ACACA: variants seen among roughly 807,000 people sequenced by gnomAD.
ACACA encodes the protein acetyl-CoA carboxylase 1.
ACACA carries 103 observed loss-of-function variants against 296.1 expected under a neutral mutation model. That is an observed-to-expected ratio of 0.35 (90% CI 0.30 to 0.41). The LOEUF is 0.41. Among genes scored for constraint, ACACA ranks in the 10% least tolerant of loss-of-function variants. ACACA has a pLI of 1.00. For synonymous variants in ACACA, 953 were observed against 1,038.6 expected, an observed-to-expected ratio of 0.92 and a Z score of 1.58; for missense variants, 1,554 against 2,989.7, an observed-to-expected ratio of 0.52 and a Z score of 11.20.
intron 1 of ACACA, among the ~76,000 whole-genome samples, chr17:37,370,667 G>GTAAA (rs372775724): frequency 0.015 from 2,227 of 148,822 alleles, 51 homozygotes; most frequent in African/African-American, 0.047. Flanking sequence ...CAAAAATAAT[G>GTAAA]TAAATAAATA....
chr17:37,193,368 C>T lies in ACACA; in HGVS notation c.4200+6G>A, dbSNP rs1472559464. 5 of 1,592,050 alleles carry T rather than the reference C, an allele frequency of 3.1e-6. No individual in the cohort carries two copies. Among genetic ancestry groups the T allele is most frequent in the Non-Finnish European group, 3.4e-6 (4 of 1,160,648 alleles). ...TTTTTTAAATAGGAAAGAAATCAAT[C>T]CTTACCTTATCCCTTGCTCGGAATG... On this transcript the variant is annotated splice_donor_region_variant and intron_variant, in intron 36 of 55. Coordinates refer to ENST00000616317, the MANE Select transcript of ACACA (RefSeq NM_198834.3).
rs2072202298 is a variant in ACACA at position 37,086,396 on chromosome 17, C to T, written c.*920G>A. ...CAAAACAAACAGACTATCTATCTAT[C>T]TCACTGGCTCTCCACATGGCATAAA... On this transcript the variant is annotated 3_prime_UTR_variant, in exon 56 of 56. Coordinates refer to ENST00000616317, the MANE Select transcript of ACACA (RefSeq NM_198834.3). The T allele has an allele frequency of 6.6e-6, 1 of 152,320 alleles. No individual in the cohort carries two copies. Among genetic ancestry groups the T allele is most frequent in the Non-Finnish European group, 1.5e-5 (1 of 68,104 alleles). 9.4% of individuals were successfully genotyped at this position (152,320 alleles called of 1,614,324 possible). A position where few individuals can be genotyped will look rare whatever the true frequency, so the allele number is the denominator to read the frequency against.
At chr17:37,302,492 G>C (rs1212919082) in intron 3 of ACACA, among the ~76,000 whole-genome samples, 1 of 151,910 alleles carries the variant, frequency 6.6e-6, no homozygotes, top group Admixed American at 6.6e-5. Flanking sequence ...TTACAGGCGT[G>C]AGCCACCACA....
At chr17:37,344,473 G>A (rs2946344) in intron 1 of ACACA, among the ~76,000 whole-genome samples, 31,168 of 151,976 alleles carry the variant, frequency 0.21, 3,469 homozygotes, top group Admixed American at 0.34. Context: ...CAGGAGAATC[G>A]CTTGAACCCA....
chr17:37,203,406 G>C (rs1379624273), intron 33 of ACACA, among the ~76,000 whole-genome samples: 3 of 151,968 alleles, frequency 2.0e-5, no homozygotes, highest in African/African-American at 7.3e-5. Flanking sequence ...AACTTTCACA[G>C]ATTATTTCAT....
chr17:37,370,694 A>T (rs2049772114), intron 1 of ACACA, among the ~76,000 whole-genome samples: 1 of 151,398 alleles, frequency 6.6e-6, no homozygotes, highest in South Asian at 2.1e-4. Context: ...TAAATAAATA[A>T]AAATTAGGCC....
At chr17:37,361,245 G>T (rs956092821) in intron 1 of ACACA, among the ~76,000 whole-genome samples, 5 of 151,940 alleles carry the variant, frequency 3.3e-5, no homozygotes, top group African/African-American at 1.2e-4. Context: ...CACCATGTTG[G>T]CCAGGATGGT....
intron 1 of ACACA, among the ~76,000 whole-genome samples, chr17:37,342,867 GA>G (rs1157700803): frequency 6.6e-6 from 1 of 151,930 alleles, no homozygotes; most frequent in Non-Finnish European, 1.5e-5. Flanking sequence ...CTTGAGCCCA[GA>G]AGGTTGAGGC....
chr17:37,169,068 C>CACTGAGA, intron 41 of ACACA, among the ~76,000 whole-genome samples: 1 of 152,168 alleles, frequency 6.6e-6, no homozygotes, highest in Admixed American at 6.5e-5. Context: ...CACTGATAGG[C>CACTGAGA]AGGGAAGGTA....
chr17:37,173,081 T>C lies in ACACA; in HGVS notation c.5079+6179A>G, dbSNP rs536413708. Among the ~76,000 whole-genome samples the C allele has an allele frequency of 2.6e-4, 39 of 152,304 alleles. 2 individuals carry two copies. In the South Asian group the frequency reaches 7.7e-3, roughly 30 times the overall value. On this transcript the variant is annotated intron_variant, in intron 41 of 55. Coordinates refer to ENST00000616317, the MANE Select transcript of ACACA (RefSeq NM_198834.3). ...TACATCCAAATTAGCATCACATTCA[T>C]GGAGCTATTTTGAGGTTAAATTGAG...
rs2072120604 is a variant in ACACA at position 37,085,201 on chromosome 17, T to C, written c.*2115A>G. ...CCTCCTGCCTTAGTAGCCTTGCATG[T>C]TTGAGGGGCTGTGGGAATGTCAGAT... On this transcript the variant is annotated 3_prime_UTR_variant, in exon 56 of 56. Coordinates refer to ENST00000616317, the MANE Select transcript of ACACA (RefSeq NM_198834.3). The C allele has an allele frequency of 6.2e-6, 1 of 162,060 alleles. No individual in the cohort carries two copies. The allele number at this position is 162,060 out of a possible 1,614,324, so 10.0% of individuals were successfully genotyped here. A position where few individuals can be genotyped will look rare whatever the true frequency, so the allele number is the denominator to read the frequency against.
chr17:37,288,424 A>G (rs1185335488), intron 3 of ACACA, among the ~76,000 whole-genome samples: 1 of 152,062 alleles, frequency 6.6e-6, no homozygotes, highest in Non-Finnish European at 1.5e-5. Context: ...ATACCATATG[A>G]CTCCATTTAT....
chr17:37,219,395 G>T (rs1395352236), intron 29 of ACACA, among the ~76,000 whole-genome samples: 1 of 152,122 alleles, frequency 6.6e-6, no homozygotes, highest in Non-Finnish European at 1.5e-5. Flanking sequence ...TCTGTGAGTT[G>T]TTCTGAGGGA....
intron 41 of ACACA, among the ~76,000 whole-genome samples, chr17:37,164,613 T>C (rs2076591852): frequency 6.6e-6 from 1 of 152,186 alleles, no homozygotes; most frequent in Admixed American, 6.5e-5. Context: ...AACACTCAAA[T>C]ATCAGGATAA....
Position 37,192,090 on chromosome 17 carries a change from C to G in ACACA, c.4416G>C (p.Lys1472Asn). ...AIIRHSDLVT[K>N]EASFEYLQNE... Reference sequence around the variant, plus strand: ...CATCCCATTAAAGTACAGCACCCACCTTGGTGACCAGATCAGAATGCCTGA... The same window carrying G: ...CATCCCATTAAAGTACAGCACCCACGTTGGTGACCAGATCAGAATGCCTGA... The change falls in exon 37 of 56, where the codon AAG (lysine) becomes AAC (asparagine). Residue 1472 changes from lysine to asparagine, a missense_variant and splice_region_variant. By Grantham distance (94) the Lys-to-Asn change is moderately conservative. Transcript: ENST00000616317. 1 of 1,614,022 alleles carries G rather than the reference C, an allele frequency of 6.2e-7. No individual in the cohort carries two copies.
Position 37,256,947 on chromosome 17 carries a change from A to C in ACACA, c.1826+756T>G, listed in dbSNP as rs190577958. On this transcript the variant is annotated intron_variant, in intron 14 of 55. Coordinates refer to ENST00000616317, the MANE Select transcript of ACACA (RefSeq NM_198834.3). The stretch of plus-strand genomic sequence containing the variant: ...GTTTGATACAAGGCAATAAACCATT[A>C]AAAAACAGAAAAGAACTAGTTCAAG... 1.7e-3 allele frequency among the ~76,000 whole-genome samples: 258 copies of C among 152,330 alleles called. 1 individual carries two copies. Among genetic ancestry groups the C allele is most frequent in the African/African-American group, 5.9e-3 (244 of 41,580 alleles).
At chr17:37,110,952 A>G (rs1398723757) in intron 52 of ACACA, among the ~76,000 whole-genome samples, 1 of 152,154 alleles carries the variant, frequency 6.6e-6, no homozygotes, top group African/African-American at 2.4e-5. Flanking sequence ...CAAATTGCCA[A>G]GTGGCTTCCA....
intron 2 of ACACA, 71 bp from the exon 3 acceptor site, chr17:37,330,496 T>G: frequency 6.3e-7 from 1 of 1,585,778 alleles, no homozygotes; most frequent in African/African-American, 1.3e-5. Context: ...AGCCAGAGGT[T>G]ATATCTAATA....
At chr17:37,301,000 T>C (rs1376962328) in intron 3 of ACACA, among the ~76,000 whole-genome samples, 1 of 152,218 alleles carries the variant, frequency 6.6e-6, no homozygotes, top group Non-Finnish European at 1.5e-5. Flanking sequence ...TGCTCAATTT[T>C]ACACACACTT....
Sources: allele counts gnomAD v4.1 joint callset (sites outside exome capture counted in the v4.1 genomes callset), GRCh38; gene constraint gnomAD v4.1.1; transcripts MANE v1.5; gene names NCBI Gene and HGNC (gene_info 2026-07-23, HGNC 2026-07-21).